The following TTLL11 variants were observed in gnomAD, a reference collection of about 807,000 sequenced individuals.
The protein encoded by TTLL11 is tubulin tyrosine ligase like 11.
In TTLL11, 42 loss-of-function variants were observed where a neutral mutation model predicts 51.7. That is an observed-to-expected ratio of 0.81 (90% CI 0.64 to 1.05). The LOEUF (loss-of-function observed/expected upper bound fraction) is 1.05, where lower values mean the gene tolerates loss of function less well. TTLL11 is among the 50% of genes least tolerant of loss of function. TTLL11 has a pLI of 0.00. For synonymous variants in TTLL11, 381 were observed against 383.5 expected (o/e 0.99, Z 0.08); for missense variants, 799 against 940.4 (o/e 0.85, Z 1.97).
In TTLL11 at chr9:122,092,886, A is replaced by G. The variant is rs1376808067; in HGVS notation, c.263T>C (p.Leu88Pro). 1.9e-6 allele frequency: 3 copies of G among 1,569,674 alleles called. No homozygotes were observed. The highest frequency in any genetic ancestry group is 2.6e-6 in the Non-Finnish European group (3 of 1,165,946). The change falls in exon 1 of 9, where the codon CTG becomes CCG. Residue 88 changes from leucine to proline, a missense_variant. Leu to Pro is a moderately conservative substitution (Grantham distance 98). Transcript: ENST00000321582. Reference sequence around the variant, plus strand: ...CACCGGCTTCGGCTTGGACGGGGGCAGCGTGGGCGGCGGCCGCTGAAGGAC... The same window carrying G: ...CACCGGCTTCGGCTTGGACGGGGGCGGCGTGGGCGGCGGCCGCTGAAGGAC... ...TQVLQRPPPTLPPSKPKPVQG... is the reference protein window; with the variant it reads ...TQVLQRPPPTPPPSKPKPVQG...
intron 6 of TTLL11, among the ~76,000 whole-genome samples, chr9:121,916,531 G>A (rs1840333479): frequency 6.7e-6 from 1 of 150,240 alleles, no homozygotes; most frequent in African/African-American, 2.5e-5. Context: ...AGAAAAAAAA[G>A]CCTTGATACA....
At chr9:121,990,483 C>A (rs1843080444) in intron 3 of TTLL11, among the ~76,000 whole-genome samples, 1 of 152,200 alleles carries the variant, frequency 6.6e-6, no homozygotes, top group South Asian at 2.1e-4. Context: ...GACTTGCCAG[C>A]TAACGCGGGG....
intron 4 of TTLL11, among the ~76,000 whole-genome samples, chr9:121,983,003 AG>A (rs1242156040): frequency 6.6e-6 from 1 of 152,204 alleles, no homozygotes; most frequent in Non-Finnish European, 1.5e-5. Flanking sequence ...CCTTGGCTAC[AG>A]TGAGAAAAAT....
chr9:121,867,993 C>G (rs905214855), intron 7 of TTLL11, among the ~76,000 whole-genome samples: 5 of 152,072 alleles, frequency 3.3e-5, no homozygotes, highest in Non-Finnish European at 7.4e-5. Context: ...CTCACAGGAC[C>G]AGGGTTCTCT....
At chr9:121,951,931 T>C (rs1000814395) in intron 6 of TTLL11, among the ~76,000 whole-genome samples, 1 of 152,226 alleles carries the variant, frequency 6.6e-6, no homozygotes, top group Non-Finnish European at 1.5e-5. Flanking sequence ...GCCATGGCAT[T>C]TGTAAACTGT....
chr9:121,962,655 C>G (rs1842269902), intron 6 of TTLL11, among the ~76,000 whole-genome samples: 1 of 152,244 alleles, frequency 6.6e-6, no homozygotes, highest in Non-Finnish European at 1.5e-5. Flanking sequence ...TCAGCCTGTT[C>G]TCCAGTCTGG....
rs529410329 is a variant in TTLL11 at position 121,853,965 on chromosome 9, G to A, written c.1840+6372C>T. On this transcript the variant is annotated intron_variant, in intron 8 of 8. Transcript: ENST00000321582. The surrounding 1 kb of genome is among the most constrained non-coding windows in gnomAD (Gnocchi z 5.6). ...ATGGGATCACACTAGGGGCAGACCC[G>A]CTTCCTGAGCATTTTCCACAGGCAG... 2.6e-5 allele frequency among the ~76,000 whole-genome samples: 4 copies of A among 152,204 alleles called. No individual in the cohort carries two copies. Among genetic ancestry groups the A allele is most frequent in the Non-Finnish European group, 4.4e-5 (3 of 68,044 alleles).
At chr9:121,898,189 C>G (rs1352753456) in intron 6 of TTLL11, among the ~76,000 whole-genome samples, 1 of 152,220 alleles carries the variant, frequency 6.6e-6, no homozygotes, top group Admixed American at 6.5e-5. Flanking sequence ...GCTGGGATTA[C>G]AGGCATGAGC....
intron 6 of TTLL11, among the ~76,000 whole-genome samples, chr9:121,967,309 C>A (rs1002649917): frequency 2.7e-5 from 4 of 149,388 alleles, no homozygotes; most frequent in African/African-American, 9.9e-5. Context: ...ATTGCAACCT[C>A]CGCCTCCCGG....
chr9:121,920,423 G>A (rs1263665229), intron 6 of TTLL11, among the ~76,000 whole-genome samples: 2 of 152,222 alleles, frequency 1.3e-5, no homozygotes, highest in East Asian at 3.8e-4. Flanking sequence ...CTCTCTGATG[G>A]TTTGGCTTGA....
intron 8 of TTLL11, among the ~76,000 whole-genome samples, chr9:121,831,807 T>C (rs1837024660): frequency 6.6e-6 from 1 of 151,952 alleles, no homozygotes; most frequent in South Asian, 2.1e-4. Context: ...TCCTCTGAAA[T>C]CCCACTGTTC....
At chr9:121,986,314 C>A (rs1277821374) in intron 4 of TTLL11, among the ~76,000 whole-genome samples, 4 of 152,200 alleles carry the variant, frequency 2.6e-5, no homozygotes, top group Admixed American at 2.6e-4. Flanking sequence ...TCGGTCCAAG[C>A]CAGGGCTCTG....
At chr9:121,830,120 T>C (rs185537844) in intron 8 of TTLL11, among the ~76,000 whole-genome samples, 5 of 152,268 alleles carry the variant, frequency 3.3e-5, no homozygotes, top group African/African-American at 1.2e-4. Context: ...CTTGTAACAG[T>C]CGTGTGATGC....
At chr9:121,901,868 A>G (rs1439361618) in intron 6 of TTLL11, among the ~76,000 whole-genome samples, 1 of 152,128 alleles carries the variant, frequency 6.6e-6, no homozygotes, top group Non-Finnish European at 1.5e-5. Flanking sequence ...GTGTTTCCTC[A>G]TTACTTTGTG....
intron 1 of TTLL11, among the ~76,000 whole-genome samples, chr9:122,063,838 C>A (rs1393638072): frequency 6.6e-6 from 1 of 152,170 alleles, no homozygotes; most frequent in African/African-American, 2.4e-5. Context: ...CAGCTGGTCA[C>A]CCTAGCAATG....
At chr9:121,983,071 C>G (rs559172198) in intron 4 of TTLL11, among the ~76,000 whole-genome samples, 2 of 152,082 alleles carry the variant, frequency 1.3e-5, no homozygotes, top group African/African-American at 4.8e-5. Flanking sequence ...GTGATGGCTG[C>G]CTAGACTGGG....
chr9:121,908,492 G>A (rs1221366291), intron 6 of TTLL11, among the ~76,000 whole-genome samples: 7 of 152,204 alleles, frequency 4.6e-5, no homozygotes, highest in East Asian at 3.8e-4. Context: ...ATCCTGCCAC[G>A]AGCTGGTGTT....
rs1836508862 is a variant in TTLL11 at position 121,819,505 on chromosome 9, C to T, written c.*3082G>A. On this transcript the variant is annotated 3_prime_UTR_variant, in exon 9 of 9. Transcript: ENST00000321582. ...GCTTGATCTTCTTACCCGTTCATTC[C>T]AAGCCCCCGGAGTGCCCAGCTCTCC... The T allele has an allele frequency of 6.6e-6, 1 of 152,502 alleles. No homozygotes were observed. Among genetic ancestry groups the T allele is most frequent in the African/African-American group, 2.4e-5 (1 of 41,444 alleles). The allele number at this position is 152,502 out of a possible 1,614,324, so 9.4% of individuals were successfully genotyped here.
intron 1 of TTLL11, among the ~76,000 whole-genome samples, chr9:122,057,083 C>G (rs1235780029): frequency 3.3e-5 from 5 of 152,160 alleles, no homozygotes; most frequent in African/African-American, 1.2e-4. Context: ...AAGGAGACTC[C>G]TTTCAGCTGC....
Sources: allele counts gnomAD v4.1 joint callset (sites outside exome capture counted in the v4.1 genomes callset), GRCh38; gene constraint gnomAD v4.1.1; non-coding constraint Gnocchi (gnomAD v3.1); transcripts MANE v1.5; gene names NCBI Gene and HGNC (gene_info 2026-07-23, HGNC 2026-07-21).